The following ERG variants were observed in gnomAD, a reference collection of about 807,000 sequenced individuals.
The protein encoded by ERG is transcriptional regulator ERG.
In ERG, 9 loss-of-function variants were observed where a neutral mutation model predicts 55.3. The observed-to-expected ratio is 0.16, with a 90% CI of 0.10 to 0.28. The LOEUF is 0.28. Ranked by LOEUF, ERG falls within the 10% of genes least tolerant of loss-of-function variation. The pLI, the probability that ERG is intolerant of heterozygous loss-of-function variation, is 1.00. For missense variants in ERG, 434 were observed against 631.6 expected (o/e 0.69, Z 3.35); for synonymous variants, 223 against 237.3 (o/e 0.94, Z 0.55).
intron 2 of ERG, among the ~76,000 whole-genome samples, chr21:38,570,526 C>G (rs1434406014): frequency 6.6e-6 from 1 of 152,126 alleles, no homozygotes; most frequent in Admixed American, 6.5e-5. Context: ...GGTACGCCAC[C>G]CTCATTTTAT....
chr21:38,656,143 C>T (rs1381358715), intron 1 of ERG, among the ~76,000 whole-genome samples: 1 of 151,910 alleles, frequency 6.6e-6, no homozygotes, highest in Non-Finnish European at 1.5e-5. Flanking sequence ...GAGGGGGGTT[C>T]CAGGGAGGGC....
chr21:38,466,902 C>T (rs2836425), intron 1 of ERG, among the ~76,000 whole-genome samples: 17,619 of 152,158 alleles, frequency 0.12, 1,128 homozygotes, highest in East Asian at 0.27. Flanking sequence ...TGAAATCCAA[C>T]ATCTTTCACC....
chr21:38,523,856 G>A (rs142210061), intron 2 of ERG, among the ~76,000 whole-genome samples: 10 of 152,214 alleles, frequency 6.6e-5, no homozygotes, highest in Admixed American at 3.9e-4. Context: ...ACTCTCCTCC[G>A]TATGTCTCCA....
chr21:38,459,022 T>G (rs1316260024), intron 1 of ERG, among the ~76,000 whole-genome samples: 1 of 152,182 alleles, frequency 6.6e-6, no homozygotes, highest in African/African-American at 2.4e-5. Context: ...CCTATTTGGT[T>G]GACAATTCCA....
chr21:38,651,136 A>G (rs2060486408), intron 1 of ERG, among the ~76,000 whole-genome samples: 1 of 152,178 alleles, frequency 6.6e-6, no homozygotes. Flanking sequence ...TCAGTATTTT[A>G]TTTTACCCTT....
chr21:38,423,788 C>T (rs537816436), intron 2 of ERG, among the ~76,000 whole-genome samples: 2 of 152,186 alleles, frequency 1.3e-5, no homozygotes, highest in African/African-American at 4.8e-5. Flanking sequence ...GAGATCCAGA[C>T]CATCCTGGCC....
intron 1 of ERG, among the ~76,000 whole-genome samples, chr21:38,496,881 C>G (rs1218218981): frequency 6.6e-6 from 1 of 151,956 alleles, no homozygotes; most frequent in East Asian, 1.9e-4. Context: ...AAGATCGTAC[C>G]CAAGCTATTC....
chr21:38,462,830 A>C (rs762218103), intron 1 of ERG, among the ~76,000 whole-genome samples: 46 of 152,214 alleles, frequency 3.0e-4, no homozygotes, highest in Non-Finnish European at 5.3e-4. Flanking sequence ...TACACAGCAC[A>C]CATCTGCTTC....
At chr21:38,534,483 A>C (rs2059695123) in intron 2 of ERG, among the ~76,000 whole-genome samples, 1 of 152,310 alleles carries the variant, frequency 6.6e-6, no homozygotes, top group South Asian at 2.1e-4. Context: ...GACACTCAAT[A>C]GCTTCATTCT....
chr21:38,374,672 G>T, the ERG span, among the ~76,000 whole-genome samples: 594 of 152,190 alleles, frequency 3.9e-3, 4 homozygotes, highest in African/African-American at 0.014. Context: ...CAGCCTGATT[G>T]AACCCCTACA....
chr21:38,585,197 A>G (rs548108603), upstream of ERG, among the ~76,000 whole-genome samples: 29 of 152,342 alleles, frequency 1.9e-4, no homozygotes, highest in Non-Finnish European at 3.5e-4. Context: ...GCTGAAGCAC[A>G]CAGATGCTTT....
rs1340581083 is a variant in ERG, at chr21:38,505,636, A to G, written c.-41+70026T>C. Among the ~76,000 whole-genome samples the G allele has an allele frequency of 5.3e-5, 8 of 152,208 alleles. No individual in the cohort carries two copies. The South Asian group carries it at 1.2e-3, about 24-fold the overall frequency. ...CTGAGTGGACTGGCCATGATAAGCC[A>G]AAGAATATTATAGCCGATAGGGATA... On this transcript the variant is annotated intron_variant, in intron 2 of 8. Coordinates refer to the ERG transcript ENST00000398897.
At chr21:38,499,330 T>C (rs902865772), upstream of ERG, among the ~76,000 whole-genome samples, 1 of 152,140 alleles carries the variant, frequency 6.6e-6, no homozygotes. Context: ...AAATCCAAGC[T>C]ATAAGTTCAG....
At chr21:38,513,736 C>T (rs1031304872) in intron 2 of ERG, among the ~76,000 whole-genome samples, 6 of 151,704 alleles carry the variant, frequency 4.0e-5, no homozygotes, top group African/African-American at 9.7e-5. Flanking sequence ...GAGGCAAAGG[C>T]ATCAATCTCA....
At chr21:38,583,637 C>T (rs1053299626) in intron 1 of ERG, among the ~76,000 whole-genome samples, 11 of 152,128 alleles carry the variant, frequency 7.2e-5, no homozygotes, top group South Asian at 4.1e-4. Flanking sequence ...CCCGGTCCCT[C>T]GGGATGTGAT....
intron 1 of ERG, among the ~76,000 whole-genome samples, chr21:38,455,118 CTTT>C (rs34764983): frequency 0.022 from 2,258 of 104,768 alleles, 70 homozygotes; most frequent in African/African-American, 0.075. Context: ...TTCTTTCTTT[CTTT>C]TTTTTTTTTT....
intron 2 of ERG, among the ~76,000 whole-genome samples, chr21:38,507,406 A>G (rs1380104468): frequency 6.6e-6 from 1 of 152,224 alleles, no homozygotes; most frequent in Non-Finnish European, 1.5e-5. Flanking sequence ...TCAAAGAAGA[A>G]ATTAAAATGC....
chr21:38,412,513 T>C (rs1989106192), intron 3 of ERG, among the ~76,000 whole-genome samples: 1 of 152,024 alleles, frequency 6.6e-6, no homozygotes, highest in African/African-American at 2.4e-5. Flanking sequence ...TGGTTGTCAT[T>C]TTACAGCCAT....
intron 1 of ERG, among the ~76,000 whole-genome samples, chr21:38,466,297 T>TGGGGTGTGTG (rs1555903664): frequency 4.8e-5 from 3 of 62,038 alleles, no homozygotes; most frequent in African/African-American, 1.3e-4. Flanking sequence ...TCTGATGGTC[T>TGGGGTGTGTG]GGGGTGTGTG....
Sources: gnomAD v4.1 joint callset for allele counts (sites outside exome capture counted in the v4.1 genomes callset) on GRCh38, gnomAD v4.1.1 for gene constraint, MANE v1.5 for transcripts, NCBI Gene and HGNC (gene_info 2026-07-23, HGNC 2026-07-21) for gene names.